Variants in GRIA4 observed in about 807,000 individuals in gnomAD.
GRIA4 encodes glutamate receptor 4.
In GRIA4, 34 loss-of-function variants were observed where a neutral mutation model predicts 104.0. The observed-to-expected ratio is 0.33, with a 90% CI of 0.25 to 0.44. The LOEUF is 0.44. GRIA4 is among the 20% of genes least tolerant of loss of function. The probability of loss-of-function intolerance (pLI) is 1.00; values close to 1 mark genes in which losing one functional copy is unlikely to be tolerated. For missense variants in GRIA4, 750 were observed against 1,096.5 expected (o/e 0.68, Z 4.46); for synonymous variants, 386 against 381.9 (o/e 1.01, Z -0.13).
At chr11:105,856,059 C>T (rs886198671) in intron 4 of GRIA4, among the ~76,000 whole-genome samples, 1 of 152,138 alleles carries the variant, frequency 6.6e-6, no homozygotes, top group African/African-American at 2.4e-5. Context: ...TCATTAATCA[C>T]TAAGCTGATT....
rs1050127415 is a variant in GRIA4, at chr11:105,917,309, A to T, written c.1270-1403A>T. On this transcript the variant is annotated intron_variant, in intron 10 of 16. Coordinates refer to ENST00000282499, the MANE Select transcript of GRIA4 (RefSeq NM_000829.4). ...ATTTAAGAACACAGTAGAAGGACCA[A>T]TCCTGGATAACTGCCCACTGTAGAA... Among the ~76,000 whole-genome samples the T allele has an allele frequency of 3.9e-5, 6 of 152,338 alleles. No individual in the cohort carries two copies. The East Asian group carries it at 9.7e-4, about 25-fold the overall frequency.
intron 3 of GRIA4, among the ~76,000 whole-genome samples, chr11:105,650,025 C>A (rs1951641573): frequency 6.6e-6 from 1 of 151,962 alleles, no homozygotes; most frequent in South Asian, 2.1e-4. Flanking sequence ...GAACCCAAAC[C>A]AACATGTGTA....
rs113748645 is a variant in GRIA4 at position 105,727,639 on chromosome 11, G to A, written c.248-25342G>A. The stretch of plus-strand genomic sequence containing the variant: ...GGCAGCCAGAGAGATAAAGCAGGTC[G>A]CCCACAAAGGGAAGCCCATCAGACT... On this transcript the variant is annotated intron_variant, in intron 3 of 16. Transcript: ENST00000282499. Among the ~76,000 whole-genome samples, 186 of 152,128 alleles carry A rather than the reference G, an allele frequency of 1.2e-3. 1 individual carries two copies. The highest frequency in any genetic ancestry group is 4.2e-3 in the African/African-American group (174 of 41,494).
chr11:105,630,524 G>A (rs1476559372), intron 3 of GRIA4, among the ~76,000 whole-genome samples: 8 of 151,966 alleles, frequency 5.3e-5, no homozygotes, highest in Non-Finnish European at 1.0e-4. Context: ...AGATCACGCC[G>A]CTGCATCCCA....
intron 3 of GRIA4, among the ~76,000 whole-genome samples, chr11:105,694,528 T>A (rs1262808822): frequency 6.6e-6 from 1 of 152,082 alleles, no homozygotes. Context: ...TAACATATAA[T>A]CAACATAAAT....
intron 3 of GRIA4, among the ~76,000 whole-genome samples, chr11:105,675,937 A>G (rs544581221): frequency 1.3e-5 from 2 of 151,916 alleles, no homozygotes; most frequent in South Asian, 4.1e-4. Context: ...TAGTAATTCC[A>G]AGGATATAAT....
At chr11:105,921,397 G>A (rs534290649) in intron 11 of GRIA4, among the ~76,000 whole-genome samples, 99 of 151,344 alleles carry the variant, frequency 6.5e-4, no homozygotes, top group African/African-American at 2.3e-3. Flanking sequence ...TGGTCCACTA[G>A]CACCAGAATT....
intron 3 of GRIA4, among the ~76,000 whole-genome samples, chr11:105,662,704 C>A (rs566285917): frequency 5.9e-5 from 9 of 151,772 alleles, no homozygotes; most frequent in African/African-American, 1.9e-4. Context: ...AGCAAGTGTT[C>A]GATCACAAAG....
At chr11:105,837,068 T>A (rs1455997053) in intron 4 of GRIA4, among the ~76,000 whole-genome samples, 9 of 136,790 alleles carry the variant, frequency 6.6e-5, no homozygotes, top group Non-Finnish European at 1.5e-4. Flanking sequence ...ACATCTTACA[T>A]AATGGCGGGC....
intron 3 of GRIA4, among the ~76,000 whole-genome samples, chr11:105,668,415 T>A (rs867347506): frequency 7.3e-5 from 11 of 150,640 alleles, no homozygotes; most frequent in African/African-American, 2.4e-4. Flanking sequence ...ACATTTGGAT[T>A]GTTTTCATGT....
chr11:105,857,283 C>T (rs2136005556), intron 4 of GRIA4, among the ~76,000 whole-genome samples: 1 of 152,270 alleles, frequency 6.6e-6, no homozygotes, highest in Admixed American at 6.5e-5. Context: ...TGGCGTTAGA[C>T]ACACACAGAC....
Position 105,745,211 on chromosome 11 carries a change from G to A in GRIA4, c.248-7770G>A, listed in dbSNP as rs1939575113. ...GATATTAATAAATGAGGCTACATATGTTAAAATTCTTTATAAAGTTCTTTA... is the reference window on the plus strand; with the variant it reads ...GATATTAATAAATGAGGCTACATATATTAAAATTCTTTATAAAGTTCTTTA... On this transcript the variant is annotated intron_variant, in intron 3 of 16. Transcript: ENST00000282499. Among the ~76,000 whole-genome samples the A allele has an allele frequency of 4.6e-5, 7 of 152,246 alleles. No homozygotes were observed. In the South Asian group the frequency reaches 1.5e-3, roughly 32 times the overall value.
At chr11:105,904,747 T>C (rs1946981810) in intron 8 of GRIA4, among the ~76,000 whole-genome samples, 1 of 152,202 alleles carries the variant, frequency 6.6e-6, no homozygotes, top group African/African-American at 2.4e-5. Flanking sequence ...TATTTCAATA[T>C]TTTCAAAAAT....
chr11:105,725,874 C>A (rs1938172464), intron 3 of GRIA4, among the ~76,000 whole-genome samples: 1 of 152,160 alleles, frequency 6.6e-6, no homozygotes, highest in African/African-American at 2.4e-5. Context: ...AGATACTATG[C>A]TTTGCCCATG....
chr11:105,908,527 T>G (rs868264673), intron 9 of GRIA4, among the ~76,000 whole-genome samples: 1 of 151,754 alleles, frequency 6.6e-6, no homozygotes, highest in Middle Eastern at 3.4e-3. Flanking sequence ...ATGGTCCACA[T>G]GAAATCTACC....
At chr11:105,643,426 C>A (rs1265204161) in intron 3 of GRIA4, among the ~76,000 whole-genome samples, 1 of 152,088 alleles carries the variant, frequency 6.6e-6, no homozygotes, top group Non-Finnish European at 1.5e-5. Context: ...CCTCTAGGTA[C>A]AATTATTTAA....
At chr11:105,831,959 G>A (rs1943991622) in intron 4 of GRIA4, among the ~76,000 whole-genome samples, 1 of 152,016 alleles carries the variant, frequency 6.6e-6, no homozygotes, top group Admixed American at 6.6e-5. Flanking sequence ...AGTAAGCGTA[G>A]CAGAGAAGAC....
chr11:105,613,125 C>T (rs1195371240), intron 3 of GRIA4: 1 of 152,284 alleles, frequency 6.6e-6, no homozygotes, highest in African/African-American at 2.4e-5. Flanking sequence ...CCAACCAACC[C>T]AGCTTTATCT....
At chr11:105,803,230 A>T (rs1478150577) in intron 4 of GRIA4, among the ~76,000 whole-genome samples, 2 of 151,954 alleles carry the variant, frequency 1.3e-5, no homozygotes, top group Non-Finnish European at 2.9e-5. Flanking sequence ...GACTGTTCTT[A>T]TATATAGTAT....
Sources: gnomAD v4.1 joint callset for allele counts (sites outside exome capture counted in the v4.1 genomes callset) on GRCh38, gnomAD v4.1.1 for gene constraint, MANE v1.5 for transcripts, NCBI Gene and HGNC (gene_info 2026-07-23, HGNC 2026-07-21) for gene names.